Variants in ARHGAP8 observed in about 807,000 individuals in gnomAD.
ARHGAP8 encodes the protein rho GTPase-activating protein 8.
ARHGAP8 carries 62 observed loss-of-function variants against 46.1 expected under a neutral mutation model. The ratio of observed to expected loss-of-function variants is 1.34; its 90% CI spans 1.10 to 1.66. The LOEUF (loss-of-function observed/expected upper bound fraction) is 1.66, where lower values mean the gene tolerates loss of function less well. Ranked by LOEUF, ARHGAP8 falls within the 40% of genes most tolerant of loss-of-function variation. ARHGAP8 has a pLI of 0.00. For missense variants in ARHGAP8, 923 were observed against 568.4 expected (o/e 1.62, Z -6.34); for synonymous variants, 375 against 243.1 (o/e 1.54, Z -5.05).
intron 2 of ARHGAP8, among the ~76,000 whole-genome samples, chr22:44,791,866 A>G (rs1255142495): frequency 6.6e-6 from 1 of 152,138 alleles, no homozygotes; most frequent in African/African-American, 2.4e-5. Context: ...AGTGGAAGCC[A>G]CTCTCCACTT....
chr22:44,809,032 G>T (rs903977434), intron 4 of ARHGAP8: 1 of 458,540 alleles, frequency 2.2e-6, no homozygotes, highest in Non-Finnish European at 4.4e-6. Context: ...ATGTGGCCCA[G>T]GCTGGTCTCG....
At chr22:44,841,802 T>C (rs2147152743) in intron 7 of ARHGAP8, among the ~76,000 whole-genome samples, 1 of 152,258 alleles carries the variant, frequency 6.6e-6, no homozygotes, top group Middle Eastern at 3.4e-3. Context: ...ACGTGGTATA[T>C]GTTGTGTCTG....
intron 1 of ARHGAP8, among the ~76,000 whole-genome samples, chr22:44,762,793 C>T (rs1403247028): frequency 2.0e-5 from 3 of 152,084 alleles, no homozygotes; most frequent in Non-Finnish European, 4.4e-5. Context: ...ATCCACCTGC[C>T]TCAGCCTCCC....
rs76285506 is a variant in ARHGAP8, at chr22:44,859,938, C to T, written c.981+104C>T. 8.4e-4 allele frequency: 1,143 copies of T among 1,363,146 alleles called. 5 individuals are homozygous for T. In the African/African-American group the frequency reaches 0.014, roughly 17 times the overall value. 84.4% of individuals were successfully genotyped at this position (1,363,146 alleles called of 1,614,324 possible). A position where few individuals can be genotyped will look rare whatever the true frequency, so the allele number is the denominator to read the frequency against. On this transcript the variant is annotated intron_variant, in intron 11 of 11. Coordinates refer to ENST00000356099, the MANE Select transcript of ARHGAP8 (RefSeq NM_181335.3). ...TCCTTGCCCTGGGTCTGGGGTCATGCCCTGCTTGGGCCTCGGAATACCACT... is the reference window on the plus strand; with the variant it reads ...TCCTTGCCCTGGGTCTGGGGTCATGTCCTGCTTGGGCCTCGGAATACCACT...
chr22:44,764,002 C>T (rs1013192631), intron 1 of ARHGAP8, among the ~76,000 whole-genome samples: 11 of 151,796 alleles, frequency 7.2e-5, no homozygotes, highest in African/African-American at 9.7e-5. Context: ...TTAGTAGAGA[C>T]GGGGTTTCAC....
chr22:44,826,299 T>C (rs1930518831), intron 7 of ARHGAP8, among the ~76,000 whole-genome samples: 1 of 152,172 alleles, frequency 6.6e-6, no homozygotes, highest in African/African-American at 2.4e-5. Context: ...TGTGCTGGGC[T>C]CAGCCGCTGA....
intron 4 of ARHGAP8, 128 bp from the exon 5 acceptor site, chr22:44,814,544 T>G: frequency 1.3e-6 from 1 of 773,334 alleles, no homozygotes; most frequent in Non-Finnish European, 2.1e-6. Context: ...TTGATGTCCT[T>G]AAATTGATCC....
intron 2 of ARHGAP8, among the ~76,000 whole-genome samples, chr22:44,796,019 C>G (rs1292900800): frequency 1.3e-5 from 2 of 151,160 alleles, no homozygotes; most frequent in Admixed American, 6.6e-5. Context: ...GTCCCTCCCC[C>G]TCCTCACCTG....
intron 7 of ARHGAP8, among the ~76,000 whole-genome samples, chr22:44,831,840 A>T (rs1036697938): frequency 1.3e-5 from 2 of 152,218 alleles, no homozygotes; most frequent in Admixed American, 6.5e-5. Context: ...TGCCAGTGCC[A>T]CACAATCTTG....
chr22:44,850,056 G>A (rs2070056248), intron 10 of ARHGAP8: 1 of 152,150 alleles, frequency 6.6e-6, no homozygotes, highest in Admixed American at 6.6e-5. Flanking sequence ...CGGGCTTTGA[G>A]TGATGTGAGA....
chr22:44,799,994 G>A (rs12628097), intron 2 of ARHGAP8, among the ~76,000 whole-genome samples: 35,014 of 150,268 alleles, frequency 0.23, 4,386 homozygotes, highest in East Asian at 0.43. Flanking sequence ...GGCAAGGTGG[G>A]GTTGGGGCTG....
chr22:44,858,308 C>T (rs556664967), intron 10 of ARHGAP8, among the ~76,000 whole-genome samples: 3 of 150,484 alleles, frequency 2.0e-5, no homozygotes, highest in Admixed American at 6.6e-5. Flanking sequence ...CACACATGTG[C>T]ATACATGTTC....
intron 10 of ARHGAP8, chr22:44,849,879 C>G (rs866026688): frequency 3.3e-5 from 5 of 152,176 alleles, no homozygotes; most frequent in South Asian, 2.1e-4. Flanking sequence ...TTGTCCTGGC[C>G]CCTGGGGGGT....
At chr22:44,809,099 G>T (rs756528363) in intron 4 of ARHGAP8, 3 of 470,390 alleles carry the variant, frequency 6.4e-6, no homozygotes, top group South Asian at 4.6e-5. Flanking sequence ...GGGATTACAG[G>T]CAGGAGCCAC....
chr22:44,794,878 G>C (rs934767865), intron 2 of ARHGAP8, among the ~76,000 whole-genome samples: 1 of 151,684 alleles, frequency 6.6e-6, no homozygotes. Context: ...AGGACATTTA[G>C]AAATCTATTG....
chr22:44,788,726 T>G (rs1295297581), intron 2 of ARHGAP8, among the ~76,000 whole-genome samples: 2 of 152,182 alleles, frequency 1.3e-5, no homozygotes, highest in Non-Finnish European at 2.9e-5. Context: ...TAAATATTTT[T>G]GAATTTTCTG....
At chr22:44,753,225 CT>C (rs529491341) in intron 1 of ARHGAP8, among the ~76,000 whole-genome samples, 1,006 of 140,456 alleles carry the variant, frequency 7.2e-3, no homozygotes, top group Admixed American at 9.8e-3. Context: ...AAAGCAGAAA[CT>C]TTTTTTTTTT....
intron 11 of ARHGAP8, among the ~76,000 whole-genome samples, chr22:44,860,676 C>T (rs114827746): frequency 6.6e-6 from 1 of 152,266 alleles, no homozygotes; most frequent in South Asian, 2.1e-4. Context: ...GAGAGAGAAA[C>T]CCTTCAGTGC....
At chr22:44,802,419 G>A (rs1043776060) in intron 3 of ARHGAP8, among the ~76,000 whole-genome samples, 1 of 152,146 alleles carries the variant, frequency 6.6e-6, no homozygotes. Context: ...CCGAGCTGTG[G>A]GTGCCTCCCT....
Sources: allele counts gnomAD v4.1 joint callset (sites outside exome capture counted in the v4.1 genomes callset), GRCh38; gene constraint gnomAD v4.1.1; transcripts MANE v1.5; gene names NCBI Gene and HGNC (gene_info 2026-07-23, HGNC 2026-07-21).